Variants in MTUS2 observed in about 807,000 individuals in gnomAD.
MTUS2 encodes the protein microtubule-associated tumor suppressor candidate 2.
In MTUS2, 40 loss-of-function variants were observed where a neutral mutation model predicts 114.1. The ratio of observed to expected loss-of-function variants is 0.35; its 90% confidence interval spans 0.27 to 0.46. The LOEUF (loss-of-function observed/expected upper bound fraction) is 0.46, where lower values mean the gene tolerates loss of function less well. MTUS2 is among the 20% of genes least tolerant of loss of function. MTUS2 has a pLI of 1.00. For synonymous variants in MTUS2, 688 were observed against 672.0 expected (o/e 1.02, Z -0.37); for missense variants, 1,679 against 1,705.4 (o/e 0.98, Z 0.27).
chr13:29,098,466 A>T lies in MTUS2; in HGVS notation c.2447-2307A>T, dbSNP rs74898861. Among the ~76,000 whole-genome samples the T allele has an allele frequency of 3.0e-5, 3 of 101,060 alleles. No individual in the cohort carries two copies. The East Asian group carries it at 6.5e-4, about 22-fold the overall frequency. The allele number at this position is 101,060 out of a possible 152,430, so 66.3% of individuals were successfully genotyped here. A position where few individuals can be genotyped will look rare whatever the true frequency, so the allele number is the denominator to read the frequency against. ...CATCTAAACACACACACACACACACACATGTGCGTGCATGCACACACACAC... is the reference window on the plus strand; with the variant it reads ...CATCTAAACACACACACACACACACTCATGTGCGTGCATGCACACACACAC... On this transcript the variant is annotated intron_variant, in intron 4 of 15. Coordinates refer to ENST00000612955, the MANE Select transcript of MTUS2 (RefSeq NM_001033602.4).
At chr13:29,418,303 G>C (rs936891159) in intron 8 of MTUS2, among the ~76,000 whole-genome samples, 1 of 152,040 alleles carries the variant, frequency 6.6e-6, no homozygotes, top group Non-Finnish European at 1.5e-5. Flanking sequence ...CTTGAGGAAG[G>C]GATTTCCTCA....
At chr13:29,481,764 A>G (rs2138905675) in intron 10 of MTUS2, among the ~76,000 whole-genome samples, 1 of 152,276 alleles carries the variant, frequency 6.6e-6, no homozygotes, top group South Asian at 2.1e-4. Context: ...TGTTCTACAC[A>G]GTATCTCAGG....
chr13:29,300,251 T>G (rs1339529747), intron 6 of MTUS2, among the ~76,000 whole-genome samples: 4 of 152,200 alleles, frequency 2.6e-5, no homozygotes, highest in Admixed American at 2.6e-4. Context: ...TTAAGCCCCC[T>G]GTAGGCTGGT....
At chr13:29,098,617 T>G (rs1890281052) in intron 4 of MTUS2, among the ~76,000 whole-genome samples, 1 of 152,178 alleles carries the variant, frequency 6.6e-6, no homozygotes, top group South Asian at 2.1e-4. Context: ...GTCCTCCCCG[T>G]CTCTACATGT....
chr13:29,404,802 T>C (rs1382579500), intron 8 of MTUS2, among the ~76,000 whole-genome samples: 1 of 152,196 alleles, frequency 6.6e-6, no homozygotes, highest in African/African-American at 2.4e-5. Context: ...AAGTGTTGTT[T>C]AGTTGCCAGA....
rs542772697 is a variant in MTUS2, at chr13:29,232,981, C to T, written c.2645-48723C>T. ...TTCCTAAATGTTCAGAGTCTCCTGTCCAAAAAGAAAACAAAAGGATTGGGC... is the reference window on the plus strand; with the variant it reads ...TTCCTAAATGTTCAGAGTCTCCTGTTCAAAAAGAAAACAAAAGGATTGGGC... On this transcript the variant is annotated intron_variant, in intron 5 of 15. Transcript: ENST00000612955. Among the ~76,000 whole-genome samples the T allele has an allele frequency of 1.1e-3, 173 of 152,056 alleles. 1 individual carries two copies. The highest frequency in any genetic ancestry group is 2.7e-3 in the South Asian group (13 of 4,818).
At chr13:28,914,093 T>G (rs1307033087) in intron 2 of MTUS2, among the ~76,000 whole-genome samples, 1 of 152,040 alleles carries the variant, frequency 6.6e-6, no homozygotes. Context: ...GTTTTTTGTG[T>G]GTGTGTCTGT....
intron 2 of MTUS2, among the ~76,000 whole-genome samples, chr13:28,907,852 A>C (rs1880146340): frequency 6.7e-6 from 1 of 148,778 alleles, no homozygotes; most frequent in Non-Finnish European, 1.5e-5. Flanking sequence ...ATCGAGACAG[A>C]AAGTTGACAG....
chr13:29,296,364 T>C (rs116747587), intron 6 of MTUS2, among the ~76,000 whole-genome samples: 2,079 of 152,162 alleles, frequency 0.014, 37 homozygotes, highest in African/African-American at 0.048. Context: ...ACCACCATGC[T>C]TGGCCAATTA....
chr13:29,230,929 T>A (rs1015243961), intron 5 of MTUS2, among the ~76,000 whole-genome samples: 4 of 152,186 alleles, frequency 2.6e-5, no homozygotes, highest in Admixed American at 6.5e-5. Context: ...CACCATTGGA[T>A]TTTGCCTGCA....
intron 5 of MTUS2, among the ~76,000 whole-genome samples, chr13:29,212,320 TAA>T (rs148432103): frequency 1.1e-4 from 16 of 150,094 alleles, no homozygotes; most frequent in African/African-American, 3.7e-4. Context: ...TTTGGATGAT[TAA>T]AAAAAAACCC....
Position 28,958,194 on chromosome 13 carries a change from C to T in MTUS2, c.-242-66263C>T, listed in dbSNP as rs545810115. Among the ~76,000 whole-genome samples, 6 of 152,222 alleles carry T rather than the reference C, an allele frequency of 3.9e-5. No individual in the cohort carries two copies. In the East Asian group the frequency reaches 1.2e-3, roughly 29 times the overall value. On this transcript the variant is annotated intron_variant, in intron 2 of 15. Coordinates refer to ENST00000612955, the MANE Select transcript of MTUS2 (RefSeq NM_001033602.4). ...AATTAGCATAGTAGTTTGGAATCCTCAGCTCCCAGCCTATCTGTGATCTCC... is the reference window on the plus strand; with the variant it reads ...AATTAGCATAGTAGTTTGGAATCCTTAGCTCCCAGCCTATCTGTGATCTCC...
intron 5 of MTUS2, among the ~76,000 whole-genome samples, chr13:29,106,973 C>A (rs951668350): frequency 6.6e-6 from 1 of 151,930 alleles, no homozygotes; most frequent in Non-Finnish European, 1.5e-5. Flanking sequence ...ATGTGTTGCT[C>A]ACATTTTTCT....
At chr13:29,290,323 T>TTTTG (rs201225560) in intron 6 of MTUS2, among the ~76,000 whole-genome samples, 11 of 151,936 alleles carry the variant, frequency 7.2e-5, no homozygotes, top group African/African-American at 1.2e-4. Context: ...GAACATCTGT[T>TTTTG]TTTGTTTGTT....
intron 12 of MTUS2, among the ~76,000 whole-genome samples, chr13:29,492,999 G>C (rs1011993126): frequency 6.6e-6 from 1 of 152,204 alleles, no homozygotes; most frequent in Admixed American, 6.5e-5. Context: ...TCTGCACTTG[G>C]TGTGGTCTGG....
intron 5 of MTUS2, among the ~76,000 whole-genome samples, chr13:29,194,159 A>G (rs1240685616): frequency 6.6e-6 from 1 of 151,414 alleles, no homozygotes. Context: ...AAACCTAGGC[A>G]TTACCATTCA....
intron 4 of MTUS2, among the ~76,000 whole-genome samples, chr13:29,088,058 C>CAAAAA (rs57654117): frequency 3.0e-5 from 4 of 135,578 alleles, no homozygotes; most frequent in African/African-American, 1.2e-4. Context: ...GACTCCGTCT[C>CAAAAA]AAAAAAAAAA....
chr13:29,087,949 C>A (rs656803), intron 4 of MTUS2, among the ~76,000 whole-genome samples: 98,078 of 151,380 alleles, frequency 0.65, 32,787 homozygotes, highest in Non-Finnish European at 0.74. Context: ...GTCCCAGCTA[C>A]TTGGGAGGCT....
In MTUS2 at chr13:29,001,130, T is replaced by G. The variant is rs183009622; in HGVS notation, c.-242-23327T>G. On this transcript the variant is annotated intron_variant, in intron 2 of 15. Transcript: ENST00000612955. Reference sequence around the variant, plus strand: ...GCATTCAGTTCCTGGAAAACTGCTCTTCTTGCCCTTTTTGCTGGGATGCTT... The same window carrying G: ...GCATTCAGTTCCTGGAAAACTGCTCGTCTTGCCCTTTTTGCTGGGATGCTT... 2.7e-3 allele frequency among the ~76,000 whole-genome samples: 406 copies of G among 152,346 alleles called. 8 individuals are homozygous for G. Among genetic ancestry groups the G allele is most frequent in the Admixed American group, 0.024 (366 of 15,302 alleles).
Sources: gnomAD v4.1 joint callset for allele counts (sites outside exome capture counted in the v4.1 genomes callset) on GRCh38, gnomAD v4.1.1 for gene constraint, MANE v1.5 for transcripts, NCBI Gene and HGNC (gene_info 2026-07-23, HGNC 2026-07-21) for gene names.